Variants in CYP2J2 observed in about 807,000 individuals in gnomAD.
CYP2J2 encodes the protein cytochrome P450 family 2 subfamily J member 2.
In CYP2J2, 41 loss-of-function variants were observed where a neutral mutation model predicts 48.8. The observed-to-expected ratio is 0.84, with a 90% CI of 0.66 to 1.09. CYP2J2 has a LOEUF of 1.09. Ranked by LOEUF, CYP2J2 falls within the 50% of genes least tolerant of loss-of-function variation. The probability of loss-of-function intolerance (pLI) is 0.00; values close to 1 mark genes in which losing one functional copy is unlikely to be tolerated. For missense variants in CYP2J2, 644 were observed against 617.3 expected (o/e 1.04, Z -0.46); for synonymous variants, 221 against 227.1 (o/e 0.97, Z 0.24).
At chr1:59,895,017 G>A (rs1644256594) in intron 8 of CYP2J2, among the ~76,000 whole-genome samples, 1 of 152,190 alleles carries the variant, frequency 6.6e-6, no homozygotes, top group South Asian at 2.1e-4. Flanking sequence ...TTGTTTGGAA[G>A]TAAATTGTCT....
chr1:59,934,993 TATATATATATATATATATATAC>T, the CYP2J2 span, among the ~76,000 whole-genome samples: 1,808 of 42,204 alleles, frequency 0.043, 63 homozygotes, highest in African/African-American at 0.11. Flanking sequence ...AAATGGGATA[TATATATATATATATATATATAC>T]ATATATATAT....
the CYP2J2 span, among the ~76,000 whole-genome samples, chr1:59,964,692 T>C: frequency 1.5e-4 from 23 of 152,384 alleles, no homozygotes; most frequent in Admixed American, 5.2e-4. Flanking sequence ...GCTTGCATTT[T>C]AAAAGTTCAC....
the CYP2J2 span, among the ~76,000 whole-genome samples, chr1:59,944,514 T>G: frequency 6.6e-6 from 1 of 152,344 alleles, no homozygotes; most frequent in Non-Finnish European, 1.5e-5. Context: ...TGAGCCACTG[T>G]GCCTGGCCTA....
intron 2 of CYP2J2, among the ~76,000 whole-genome samples, chr1:59,913,711 T>C (rs1336989372): frequency 1.3e-5 from 2 of 152,226 alleles, no homozygotes; most frequent in Non-Finnish European, 2.9e-5. Flanking sequence ...TGGACCTTCC[T>C]AGCCTGAGCT....
chr1:59,900,380 A>C (rs1644308562), intron 8 of CYP2J2, among the ~76,000 whole-genome samples: 1 of 152,202 alleles, frequency 6.6e-6, no homozygotes, highest in Admixed American at 6.5e-5. Context: ...GTATCCCAGC[A>C]CTTTGGCTTT....
At chr1:59,953,641 C>T in the CYP2J2 span, among the ~76,000 whole-genome samples, 8 of 151,714 alleles carry the variant, frequency 5.3e-5, no homozygotes, top group Non-Finnish European at 1.0e-4. Context: ...GGGGAAGTGG[C>T]ATTTGAATGG....
chr1:59,895,192 A>C (rs1644258382), intron 8 of CYP2J2, among the ~76,000 whole-genome samples: 1 of 152,230 alleles, frequency 6.6e-6, no homozygotes, highest in African/African-American at 2.4e-5. Flanking sequence ...CTTCATTAGA[A>C]AAGGGTCCAG....
chr1:59,901,027 G>T lies in CYP2J2; in HGVS notation c.1268C>A (p.Pro423Gln). The T allele has an allele frequency of 6.2e-7, 1 of 1,614,144 alleles. No individual in the cohort carries two copies. The highest frequency in any genetic ancestry group is 1.1e-5 in the South Asian group (1 of 91,084). ...TEWATPDTFN[P>Q]DHFLENGQFK... ...CTGTCCATTCTCCAGAAAATGGTCC[G>T]GATTGAATGTGTCAGGGGTGGCCCA... The change falls in exon 8 of 9, where the codon CCG (proline) becomes CAG (glutamine). Residue 423 changes from proline (P) to glutamine (Q), a missense_variant. Transcript: ENST00000371204.
At chr1:59,914,717 C>T (rs1226788793) in intron 2 of CYP2J2, among the ~76,000 whole-genome samples, 2 of 152,206 alleles carry the variant, frequency 1.3e-5, no homozygotes, top group Non-Finnish European at 2.9e-5. Flanking sequence ...CAAGGTTTCT[C>T]CCCATGTGAT....
the CYP2J2 span, among the ~76,000 whole-genome samples, chr1:59,959,628 A>G: frequency 6.6e-6 from 1 of 150,758 alleles, no homozygotes; most frequent in African/African-American, 2.4e-5. Context: ...TGTGATATAT[A>G]TGTGTGTGAT....
chr1:59,902,090 C>A (rs1436739156), intron 7 of CYP2J2, among the ~76,000 whole-genome samples: 1 of 152,124 alleles, frequency 6.6e-6, no homozygotes, highest in African/African-American at 2.4e-5. Flanking sequence ...ATTCAGCATC[C>A]TTTTTAAATG....
chr1:59,965,433 T>C, the CYP2J2 span, among the ~76,000 whole-genome samples: 71 of 152,256 alleles, frequency 4.7e-4, no homozygotes, highest in African/African-American at 1.6e-3. Context: ...TACAAGACAT[T>C]TGTCACATTT....
intron 2 of CYP2J2, among the ~76,000 whole-genome samples, chr1:59,914,885 A>C (rs1262854526): frequency 6.6e-6 from 1 of 152,190 alleles, no homozygotes; most frequent in Non-Finnish European, 1.5e-5. Flanking sequence ...TGGGAATGGA[A>C]TGTTTCGGTA....
In CYP2J2 at chr1:59,907,889, GT is replaced by G. The variant is rs1468133654; in HGVS notation, c.899del (p.Asn300ThrfsTer45). The G allele has an allele frequency of 6.2e-7, 1 of 1,614,042 alleles. No individual in the cohort carries two copies. Among genetic ancestry groups the G allele is most frequent in the South Asian group, 1.1e-5 (1 of 91,080 alleles). ...GNPTSSFHEE[N>X]LICSTLDLFF... ...AGAGGTCCAGGGTGCTGCAGATGAGGTTTTCTTCATGGAAACTTGAAGTAGG... is the reference window on the plus strand; with the variant it reads ...AGAGGTCCAGGGTGCTGCAGATGAGGTTTCTTCATGGAAACTTGAAGTAGG... On this transcript the variant is annotated frameshift_variant, in exon 6 of 9. Transcript: ENST00000371204. LOFTEE classifies it high-confidence loss of function.
the CYP2J2 span, among the ~76,000 whole-genome samples, chr1:59,945,366 T>C: frequency 2.0e-5 from 3 of 152,138 alleles, no homozygotes; most frequent in African/African-American, 7.2e-5. Flanking sequence ...TTTAAAATGC[T>C]ATCTTAATCA....
chr1:59,938,717 C>G, the CYP2J2 span, among the ~76,000 whole-genome samples: 1 of 152,180 alleles, frequency 6.6e-6, no homozygotes, highest in East Asian at 1.9e-4. Context: ...ACTAATCCTC[C>G]TCAGCACAGA....
intron 1 of CYP2J2, among the ~76,000 whole-genome samples, chr1:59,917,654 G>A (rs1283974513): frequency 6.6e-6 from 1 of 152,180 alleles, no homozygotes; most frequent in Non-Finnish European, 1.5e-5. Context: ...ATGGGGATGT[G>A]TATGTTCATG....
At chr1:59,897,039 AG>A (rs1299105132) in intron 8 of CYP2J2, among the ~76,000 whole-genome samples, 2 of 152,236 alleles carry the variant, frequency 1.3e-5, no homozygotes, top group African/African-American at 4.8e-5. Flanking sequence ...AAATAAAGTT[AG>A]ATCATATATG....
chr1:59,933,239 A>G, the CYP2J2 span, among the ~76,000 whole-genome samples: 1 of 152,350 alleles, frequency 6.6e-6, no homozygotes, highest in South Asian at 2.1e-4. Context: ...TACAATTGAT[A>G]TGCTAAGAAA....
Sources: allele counts gnomAD v4.1 joint callset (sites outside exome capture counted in the v4.1 genomes callset), GRCh38; gene constraint gnomAD v4.1.1; transcripts MANE v1.5; gene names NCBI Gene and HGNC (gene_info 2026-07-23, HGNC 2026-07-21).